OXR1: variants seen among roughly 807,000 people sequenced by gnomAD.
OXR1 encodes the protein oxidation resistance protein 1.
A neutral mutation model predicts 104.6 loss-of-function variants in OXR1; 41 were observed. The observed-to-expected ratio is 0.39, with a 90% CI of 0.31 to 0.51. The LOEUF is 0.51. Among genes scored for constraint, OXR1 ranks in the 20% least tolerant of loss-of-function variants. OXR1 has a pLI of 0.77. For synonymous variants in OXR1, 348 were observed against 348.4 expected (o/e 1.00, Z 0.01); for missense variants, 955 against 1,031.9 (o/e 0.93, Z 1.02).
At chr8:106,271,762 C>T (rs966366378) in intron 1 of OXR1, 1 of 152,274 alleles carries the variant, frequency 6.6e-6, no homozygotes, top group Non-Finnish European at 1.5e-5. Context: ...TCTCCACTTA[C>T]ATCCCAAACC....
intron 2 of OXR1, among the ~76,000 whole-genome samples, chr8:106,419,204 C>G (rs1243220827): frequency 6.6e-6 from 1 of 152,142 alleles, no homozygotes; most frequent in Non-Finnish European, 1.5e-5. Flanking sequence ...CTAGAACATG[C>G]ATCTTACCCT....
intron 11 of OXR1, among the ~76,000 whole-genome samples, chr8:106,732,131 A>G (rs1230821450): frequency 6.6e-6 from 1 of 152,144 alleles, no homozygotes; most frequent in Non-Finnish European, 1.5e-5. Context: ...TTTCATTTAC[A>G]TTATGCTAAT....
intron 2 of OXR1, among the ~76,000 whole-genome samples, chr8:106,517,770 A>G (rs555680710): frequency 6.6e-6 from 1 of 152,326 alleles, no homozygotes; most frequent in African/African-American, 2.4e-5. Flanking sequence ...ATGGATATTA[A>G]GATAATATAG....
At chr8:106,514,072 C>CTTCA (rs930481207) in intron 2 of OXR1, among the ~76,000 whole-genome samples, 2 of 152,114 alleles carry the variant, frequency 1.3e-5, no homozygotes, top group African/African-American at 4.8e-5. Flanking sequence ...CTGTCTAAGG[C>CTTCA]TTCAGCACCC....
At chr8:106,402,635 T>C (rs1818045717) in intron 2 of OXR1, among the ~76,000 whole-genome samples, 1 of 152,170 alleles carries the variant, frequency 6.6e-6, no homozygotes, top group Admixed American at 6.5e-5. Context: ...TGTCCAGTAT[T>C]TCTCCAAAGG....
intron 11 of OXR1, among the ~76,000 whole-genome samples, chr8:106,715,064 A>G (rs1267108960): frequency 6.6e-6 from 1 of 152,172 alleles, no homozygotes; most frequent in Admixed American, 6.5e-5. Flanking sequence ...CCCAAATTGG[A>G]AAGTCTCATT....
intron 7 of OXR1, among the ~76,000 whole-genome samples, chr8:106,693,119 T>A (rs1377969314): frequency 6.6e-6 from 1 of 152,152 alleles, no homozygotes; most frequent in Non-Finnish European, 1.5e-5. Flanking sequence ...ACAGCTAAGT[T>A]GCTGTTGGTA....
In OXR1 at chr8:106,273,254, A is replaced by G. The variant is rs188026778; in HGVS notation, c.-139+2887A>G. On this transcript the variant is annotated intron_variant, in intron 1 of 16. Coordinates refer to ENST00000517566, the MANE Select transcript of OXR1 (RefSeq NM_001198533.2). ...TAAAGTCATTACAAAGAAAAAAAAA[A>G]AAGAAGAAGAAGAAGAAAGTAAAGG... Among the ~76,000 whole-genome samples the G allele has an allele frequency of 4.3e-4, 66 of 152,236 alleles. 1 individual carries two copies. Among genetic ancestry groups the G allele is most frequent in the East Asian group, 3.7e-3 (19 of 5,182 alleles).
intron 1 of OXR1, among the ~76,000 whole-genome samples, chr8:106,300,556 A>G (rs966578475): frequency 3.9e-5 from 6 of 151,968 alleles, no homozygotes; most frequent in African/African-American, 1.5e-4. Context: ...ATTCAACAAA[A>G]TGAGTCATTT....
At chr8:106,447,373 C>A (rs1449365171) in intron 2 of OXR1, among the ~76,000 whole-genome samples, 2 of 152,156 alleles carry the variant, frequency 1.3e-5, no homozygotes, top group African/African-American at 4.8e-5. Flanking sequence ...TGGTAAAGTG[C>A]TGAAGAAGTC....
chr8:106,423,587 C>A (rs1392089596), intron 2 of OXR1, among the ~76,000 whole-genome samples: 1 of 152,084 alleles, frequency 6.6e-6, no homozygotes, highest in Non-Finnish European at 1.5e-5. Context: ...AATTAGTGTG[C>A]CAGAACAGTT....
intron 2 of OXR1, among the ~76,000 whole-genome samples, chr8:106,449,620 A>T (rs988500202): frequency 6.6e-5 from 10 of 152,226 alleles, no homozygotes; most frequent in Admixed American, 2.0e-4. Context: ...TGATGATGGT[A>T]GAGTCCACAG....
intron 11 of OXR1, among the ~76,000 whole-genome samples, chr8:106,723,109 A>AT (rs1162915299): frequency 6.7e-6 from 1 of 148,828 alleles, no homozygotes; most frequent in Non-Finnish European, 1.5e-5. Context: ...TAATCCCAGC[A>AT]TTTTGGGAGG....
intron 1 of OXR1, among the ~76,000 whole-genome samples, chr8:106,352,408 G>C (rs1403932131): frequency 6.6e-6 from 1 of 152,164 alleles, no homozygotes; most frequent in Non-Finnish European, 1.5e-5. Flanking sequence ...TTCTATGAAA[G>C]GGAGCTTACC....
rs560642534 is a variant in OXR1, at chr8:106,560,093, G to A, written c.220+40954G>A. On this transcript the variant is annotated intron_variant, in intron 3 of 16. Coordinates refer to ENST00000517566, the MANE Select transcript of OXR1 (RefSeq NM_001198533.2). The stretch of plus-strand genomic sequence containing the variant: ...AGAAACATGAAACTAGAGATAATAT[G>A]GAGAAAGCTAGAGGAAATATAGTAA... 2.9e-3 allele frequency among the ~76,000 whole-genome samples: 438 copies of A among 152,142 alleles called. 7 individuals are homozygous for A. The South Asian group carries it at 0.04, about 14-fold the overall frequency.
intron 2 of OXR1, among the ~76,000 whole-genome samples, chr8:106,425,829 A>G (rs185904879): frequency 6.6e-6 from 1 of 152,302 alleles, no homozygotes; most frequent in African/African-American, 2.4e-5. Flanking sequence ...TCATTCAATA[A>G]ACATGGGGTA....
At chr8:106,455,652 A>G (rs1053795772) in intron 2 of OXR1, among the ~76,000 whole-genome samples, 1 of 152,298 alleles carries the variant, frequency 6.6e-6, no homozygotes, top group African/African-American at 2.4e-5. Context: ...AGTGTTACTG[A>G]AAATATTGTC....
chr8:106,622,455 ACACACAC>A (rs200217784), intron 3 of OXR1, among the ~76,000 whole-genome samples: 4 of 129,736 alleles, frequency 3.1e-5, no homozygotes, highest in Non-Finnish European at 6.2e-5. Context: ...CACCCCCAGC[ACACACAC>A]ACACACACAC....
chr8:106,405,616 A>G (rs955748030), intron 2 of OXR1, among the ~76,000 whole-genome samples: 1 of 152,150 alleles, frequency 6.6e-6, no homozygotes, highest in Non-Finnish European at 1.5e-5. Context: ...TCCAGCCACC[A>G]TGTGAACAAT....
Sources: gnomAD v4.1 joint callset for allele counts (sites outside exome capture counted in the v4.1 genomes callset) on GRCh38, gnomAD v4.1.1 for gene constraint, MANE v1.5 for transcripts, NCBI Gene and HGNC (gene_info 2026-07-23, HGNC 2026-07-21) for gene names.